The following HNF4G variants were observed in gnomAD, a reference collection of about 807,000 sequenced individuals.
HNF4G encodes the protein hepatocyte nuclear factor 4 gamma.
HNF4G carries 21 observed loss-of-function variants against 50.9 expected under a neutral mutation model. The ratio of observed to expected loss-of-function variants is 0.41; its 90% CI spans 0.29 to 0.59. HNF4G has a LOEUF of 0.59. Among genes scored for constraint, HNF4G ranks in the 20% least tolerant of loss-of-function variants. The probability of loss-of-function intolerance (pLI) is 0.26; values close to 1 mark genes in which losing one functional copy is unlikely to be tolerated. For missense variants in HNF4G, 527 were observed against 559.4 expected (o/e 0.94, Z 0.58); for synonymous variants, 198 against 185.6 (o/e 1.07, Z -0.54).
At chr8:75,497,184 G>C (rs1215185185) in intron 2 of HNF4G, among the ~76,000 whole-genome samples, 1 of 152,006 alleles carries the variant, frequency 6.6e-6, no homozygotes, top group Admixed American at 6.6e-5. Flanking sequence ...TGGCAGAAAA[G>C]GTGGGTGTTT....
chr8:75,533,492 C>T (rs1806382856), intron 2 of HNF4G, among the ~76,000 whole-genome samples: 1 of 151,968 alleles, frequency 6.6e-6, no homozygotes, highest in African/African-American at 2.4e-5. Context: ...TTCCAGGTTT[C>T]TTACTTGAGA....
chr8:75,529,530 G>A (rs1048417318), intron 2 of HNF4G, among the ~76,000 whole-genome samples: 4 of 152,164 alleles, frequency 2.6e-5, no homozygotes, highest in Non-Finnish European at 4.4e-5. Flanking sequence ...AAGCCTAGGA[G>A]ACAGAGGGTG....
At chr8:75,444,554 C>A (rs1274392741) in intron 1 of HNF4G, among the ~76,000 whole-genome samples, 1 of 122,128 alleles carries the variant, frequency 8.2e-6, no homozygotes, top group East Asian at 2.2e-4. Context: ...CAGAGACACA[C>A]ATAGGCTCAA....
chr8:75,564,177 A>T lies in HNF4G; in HGVS notation c.*81A>T. 1 of 1,454,264 alleles carries T rather than the reference A, an allele frequency of 6.9e-7. No individual in the cohort carries two copies. The highest frequency in any genetic ancestry group is 9.5e-7 in the Non-Finnish European group (1 of 1,055,948). The allele number at this position is 1,454,264 out of a possible 1,614,324, so 90.1% of individuals were successfully genotyped here. A position where few individuals can be genotyped will look rare whatever the true frequency, so the allele number is the denominator to read the frequency against. On this transcript the variant is annotated 3_prime_UTR_variant, in exon 10 of 10. Transcript: ENST00000396423. ...AATATCTCAGGATAGCACTTTTGGC[A>T]AACTCTTAGCCAAGGCTTCTTCATT... is the stretch of plus-strand genomic sequence containing the variant.
chr8:75,460,926 C>T (rs1027468375), intron 1 of HNF4G, among the ~76,000 whole-genome samples: 1 of 152,140 alleles, frequency 6.6e-6, no homozygotes, highest in Non-Finnish European at 1.5e-5. Context: ...TCTTTTTCTT[C>T]TACAATTAGT....
At chr8:75,413,779 C>T (rs1810562115) in intron 1 of HNF4G, among the ~76,000 whole-genome samples, 1 of 152,042 alleles carries the variant, frequency 6.6e-6, no homozygotes, top group Admixed American at 6.5e-5. Flanking sequence ...ATTGCTTGAA[C>T]CTAGGAGGCT....
intron 1 of HNF4G, among the ~76,000 whole-genome samples, chr8:75,460,801 G>A (rs1252754951): frequency 6.6e-6 from 1 of 152,152 alleles, no homozygotes; most frequent in Non-Finnish European, 1.5e-5. Context: ...TATTGGAAGA[G>A]TTTTCCCCCT....
At chr8:75,512,071 T>G (rs545230785) in intron 2 of HNF4G, among the ~76,000 whole-genome samples, 91 of 152,296 alleles carry the variant, frequency 6.0e-4, no homozygotes, top group Non-Finnish European at 9.9e-4. Flanking sequence ...TGGAATGATT[T>G]TGTTAATATT....
chr8:75,506,146 A>G (rs974173392), intron 2 of HNF4G, among the ~76,000 whole-genome samples: 7 of 152,016 alleles, frequency 4.6e-5, no homozygotes, highest in Non-Finnish European at 1.0e-4. Context: ...ATCTCTTCAT[A>G]CCAATCTTCT....
intron 2 of HNF4G, chr8:75,495,512 T>A (rs987450201): frequency 2.0e-5 from 3 of 151,508 alleles, no homozygotes; most frequent in Non-Finnish European, 2.9e-5. Flanking sequence ...TGTGATAACA[T>A]ACATAAAGAC....
chr8:75,418,970 G>T (rs933890408), intron 1 of HNF4G, among the ~76,000 whole-genome samples: 2 of 151,956 alleles, frequency 1.3e-5, no homozygotes, highest in Admixed American at 1.3e-4. Context: ...CAGGTGATCC[G>T]CCTGCCTCGG....
chr8:75,473,589 A>C (rs1361279116), intron 1 of HNF4G, among the ~76,000 whole-genome samples: 2 of 152,218 alleles, frequency 1.3e-5, no homozygotes, highest in African/African-American at 4.8e-5. Context: ...GGGAAGAAGA[A>C]TCCATTTGGC....
chr8:75,514,514 G>A (rs1805843817), intron 2 of HNF4G, among the ~76,000 whole-genome samples: 1 of 151,306 alleles, frequency 6.6e-6, no homozygotes, highest in African/African-American at 2.4e-5. Context: ...CACCACACCT[G>A]GCTAATTTTT....
At chr8:75,496,064 A>C (rs927668384) in intron 2 of HNF4G, among the ~76,000 whole-genome samples, 1 of 152,090 alleles carries the variant, frequency 6.6e-6, no homozygotes, top group Non-Finnish European at 1.5e-5. Context: ...TATCTATGGG[A>C]AAAAAGTAAT....
At chr8:75,563,491 T>A (rs745488133) in intron 9 of HNF4G, among the ~76,000 whole-genome samples, 39 of 152,074 alleles carry the variant, frequency 2.6e-4, no homozygotes, top group Non-Finnish European at 4.3e-4. Context: ...TTCAGAACAT[T>A]TATAAAGTAT....
At chr8:75,470,776 T>C (rs1812095259) in intron 1 of HNF4G, among the ~76,000 whole-genome samples, 2 of 152,246 alleles carry the variant, frequency 1.3e-5, no homozygotes, top group African/African-American at 4.8e-5. Flanking sequence ...TCCTGTTTTC[T>C]ATTTTTTTGT....
intron 2 of HNF4G, among the ~76,000 whole-genome samples, chr8:75,521,348 C>A (rs878088): frequency 0.43 from 65,880 of 152,000 alleles, 14,793 homozygotes; most frequent in Middle Eastern, 0.59. Flanking sequence ...TTTTACAGTG[C>A]GACACAAGCA....
Position 75,564,199 on chromosome 8 carries a change from C to T in HNF4G, c.*103C>T. 8.5e-7 allele frequency: 1 copy of T among 1,171,852 alleles called. No individual in the cohort carries two copies. The highest frequency in any genetic ancestry group is 1.2e-6 in the Non-Finnish European group (1 of 814,652). The allele number at this position is 1,171,852 out of a possible 1,614,324, so 72.6% of individuals were successfully genotyped here. A position where few individuals can be genotyped will look rare whatever the true frequency, so the allele number is the denominator to read the frequency against. On this transcript the variant is annotated 3_prime_UTR_variant, in exon 10 of 10. Coordinates refer to ENST00000396423, the MANE Select transcript of HNF4G (RefSeq NM_004133.5). ...GGCAAACTCTTAGCCAAGGCTTCTT[C>T]ATTGGTGCTGTTATAAGATGGTGTC... is the stretch of plus-strand genomic sequence containing the variant.
intron 2 of HNF4G, among the ~76,000 whole-genome samples, chr8:75,502,885 T>C (rs1020644640): frequency 3.9e-5 from 6 of 152,194 alleles, no homozygotes; most frequent in Admixed American, 3.9e-4. Context: ...AGGGGAGTAG[T>C]CCAATATACG....
Sources: allele counts gnomAD v4.1 joint callset (sites outside exome capture counted in the v4.1 genomes callset), GRCh38; gene constraint gnomAD v4.1.1; transcripts MANE v1.5; gene names NCBI Gene and HGNC (gene_info 2026-07-23, HGNC 2026-07-21).